The following SPAG16 variants were observed in gnomAD, a reference collection of about 807,000 sequenced individuals.
The protein encoded by SPAG16 is sperm associated antigen 16, also known as sperm-associated antigen 16 protein.
In SPAG16, 86 loss-of-function variants were observed where a neutral mutation model predicts 80.4. The ratio of observed to expected loss-of-function variants is 1.07; its 90% CI spans 0.90 to 1.28. The LOEUF (loss-of-function observed/expected upper bound fraction) is 1.28, where lower values mean the gene tolerates loss of function less well. Ranked by LOEUF, SPAG16 falls within the 50% of genes most tolerant of loss-of-function variation. The probability of loss-of-function intolerance (pLI) is 0.00; values close to 1 mark genes in which losing one functional copy is unlikely to be tolerated. For synonymous variants in SPAG16, 294 were observed against 265.9 expected, an observed-to-expected ratio of 1.11 and a Z score of -1.03; for missense variants, 870 against 765.3, an observed-to-expected ratio of 1.14 and a Z score of -1.61.
At chr2:213,664,336 G>A (rs968842611) in intron 10 of SPAG16, among the ~76,000 whole-genome samples, 11 of 152,088 alleles carry the variant, frequency 7.2e-5, no homozygotes, top group African/African-American at 2.7e-4. Flanking sequence ...GAATTAGGAT[G>A]TGAACATCAT....
intron 9 of SPAG16, among the ~76,000 whole-genome samples, chr2:213,380,057 T>C (rs1319106583): frequency 1.3e-5 from 2 of 152,200 alleles, no homozygotes; most frequent in African/African-American, 2.4e-5. Flanking sequence ...CGTACCTCTT[T>C]CCTGAATTTC....
In SPAG16 at chr2:213,350,536, T is replaced by C; in HGVS notation, c.653T>C (p.Leu218Ser). 2 of 1,555,132 alleles carry C rather than the reference T, an allele frequency of 1.3e-6. No homozygotes were observed. The highest frequency in any genetic ancestry group is 1.7e-6 in the Non-Finnish European group (2 of 1,153,966). ...GACTTTATTTTTTATAGGTTGAAGT[T>C]ACATTATGCATCTTATGAACCGACT... is the stretch of plus-strand genomic sequence containing the variant. ...KLINDLKGLK[L>S]HYASYEPTIR... Residue 218 changes from leucine (L) to serine (S), a missense_variant, in exon 7 of 16, where the codon TTA becomes TCA. Transcript: ENST00000331683.
intron 14 of SPAG16, among the ~76,000 whole-genome samples, chr2:214,115,821 C>T (rs1023037078): frequency 3.5e-5 from 5 of 143,100 alleles, no homozygotes; most frequent in East Asian, 4.2e-4. Context: ...GAGATTGCAG[C>T]GAGCTGAGAT....
rs1325027307 is a variant in SPAG16, at chr2:213,910,550, G to A, written c.1215-19410G>A. Among the ~76,000 whole-genome samples, 78 of 28,828 alleles carry A rather than the reference G, an allele frequency of 2.7e-3. 22 individuals carry two copies. Among genetic ancestry groups the A allele is most frequent in the African/African-American group, 3.7e-3 (60 of 16,430 alleles). The allele number at this position is 28,828 out of a possible 152,430, so 18.9% of individuals were successfully genotyped here. On this transcript the variant is annotated intron_variant, in intron 11 of 15. Transcript: ENST00000331683. ...GTCGCCCAGGCTGGAGTGCAGTGGC[G>A]CGATCTCGGCTCACTGCAAGCTCCG...
intron 7 of SPAG16, among the ~76,000 whole-genome samples, chr2:213,358,629 G>A (rs10210123): frequency 0.19 from 29,442 of 152,082 alleles, 3,799 homozygotes; most frequent in Non-Finnish European, 0.29. Context: ...GGTCTTCTCT[G>A]TACTGTTTAT....
At chr2:214,253,496 G>A (rs1287131024) in intron 15 of SPAG16, among the ~76,000 whole-genome samples, 1 of 152,056 alleles carries the variant, frequency 6.6e-6, no homozygotes, top group Admixed American at 6.6e-5. Flanking sequence ...TGTAAGAAAC[G>A]GGTCCAGTTT....
At chr2:213,311,111 A>G (rs1010993519) in intron 4 of SPAG16, among the ~76,000 whole-genome samples, 10 of 151,860 alleles carry the variant, frequency 6.6e-5, no homozygotes, top group Admixed American at 5.3e-4. Flanking sequence ...ATGTTAATAA[A>G]TTCTATGAGG....
At chr2:213,499,085 CA>C (rs2074625678) in intron 10 of SPAG16, among the ~76,000 whole-genome samples, 2 of 152,054 alleles carry the variant, frequency 1.3e-5, no homozygotes, top group Non-Finnish European at 2.9e-5. Flanking sequence ...TAGCTCTAAC[CA>C]ATTTTTTTTT....
At chr2:214,165,719 A>G (rs1160171686) in intron 15 of SPAG16, among the ~76,000 whole-genome samples, 1 of 151,438 alleles carries the variant, frequency 6.6e-6, no homozygotes, top group Non-Finnish European at 1.5e-5. Flanking sequence ...AACTGAGCAT[A>G]AAGTGGTGAA....
chr2:213,662,909 C>G (rs969211561), intron 10 of SPAG16, among the ~76,000 whole-genome samples: 4 of 151,782 alleles, frequency 2.6e-5, no homozygotes, highest in African/African-American at 9.7e-5. Flanking sequence ...CAAAAAAATA[C>G]GATTCAATAT....
At chr2:213,976,133 T>TACACACAC (rs748686035) in intron 12 of SPAG16, among the ~76,000 whole-genome samples, 10 of 120,712 alleles carry the variant, frequency 8.3e-5, no homozygotes, top group African/African-American at 3.6e-4. Context: ...TATATATATA[T>TACACACAC]ATACACACAC....
At chr2:214,184,997 G>A (rs978862910) in intron 15 of SPAG16, among the ~76,000 whole-genome samples, 1 of 151,800 alleles carries the variant, frequency 6.6e-6, no homozygotes, top group Non-Finnish European at 1.5e-5. Context: ...TAGCAGCTGG[G>A]CCTTTTAGGA....
intron 11 of SPAG16, among the ~76,000 whole-genome samples, chr2:213,879,943 A>G (rs898629739): frequency 6.6e-6 from 1 of 152,218 alleles, no homozygotes. Flanking sequence ...AGCAATGAAC[A>G]TATGAGTGCA....
At chr2:214,076,537 GTGTGTC>G (rs1427343129) in intron 13 of SPAG16, among the ~76,000 whole-genome samples, 172 of 88,840 alleles carry the variant, frequency 1.9e-3, no homozygotes, top group African/African-American at 6.0e-3. Flanking sequence ...GTGTGTGTGT[GTGTGTC>G]TGTGTGTGTG....
intron 9 of SPAG16, among the ~76,000 whole-genome samples, chr2:213,468,394 TATATATATCTATGTATTTATGTACAG>T (rs1451698993): frequency 6.9e-6 from 1 of 145,544 alleles, no homozygotes; most frequent in African/African-American, 2.5e-5. Flanking sequence ...TAGATATATA[TATATATATCTATGTATTTATGTACAG>T]ATATATATAT....
rs1453725193 is a variant in SPAG16, at chr2:213,350,537, A to G, written c.654A>G (p.Leu218=). The change falls in exon 7 of 16, where the codon TTA becomes TTG. Residue 218 remains leucine, a synonymous_variant. Transcript: ENST00000331683. ...KLINDLKGLK[L]HYASYEPTIR... ...ACTTTATTTTTTATAGGTTGAAGTT[A>G]CATTATGCATCTTATGAACCGACTA... 5.8e-6 allele frequency: 9 copies of G among 1,557,968 alleles called. No homozygotes were observed. The highest frequency in any genetic ancestry group is 2.4e-5 in the South Asian group (2 of 81,760).
At chr2:214,408,747 T>C (rs771885813) in intron 15 of SPAG16, among the ~76,000 whole-genome samples, 37 of 152,204 alleles carry the variant, frequency 2.4e-4, no homozygotes, top group Non-Finnish European at 4.6e-4. Context: ...AACAATGCTA[T>C]GCTGGCTGTG....
chr2:213,432,994 G>A (rs974024368), intron 9 of SPAG16, among the ~76,000 whole-genome samples: 2 of 151,992 alleles, frequency 1.3e-5, no homozygotes, highest in Non-Finnish European at 2.9e-5. Context: ...ACAAAATTAA[G>A]GACAAAACCA....
chr2:213,785,417 C>A (rs2070275300), intron 10 of SPAG16, among the ~76,000 whole-genome samples: 1 of 152,086 alleles, frequency 6.6e-6, no homozygotes, highest in Non-Finnish European at 1.5e-5. Flanking sequence ...ACATGTTACA[C>A]CAAAAATATT....
Sources: allele counts gnomAD v4.1 joint callset (sites outside exome capture counted in the v4.1 genomes callset), GRCh38; gene constraint gnomAD v4.1.1; transcripts MANE v1.5; gene names NCBI Gene and HGNC (gene_info 2026-07-23, HGNC 2026-07-21).